Variants in PARVB observed in about 807,000 individuals in gnomAD.
The protein encoded by PARVB is parvin beta.
A neutral mutation model predicts 47.0 loss-of-function variants in PARVB; 46 were observed. That is an observed-to-expected ratio of 0.98 (90% CI 0.77 to 1.25). PARVB has a LOEUF of 1.25. PARVB is among the 50% of genes most tolerant of loss of function. The probability of loss-of-function intolerance (pLI) is 0.00; values close to 1 mark genes in which losing one functional copy is unlikely to be tolerated. For synonymous variants in PARVB, 196 were observed against 196.3 expected, an observed-to-expected ratio of 1.00 and a Z score of 0.01; for missense variants, 473 against 471.6, an observed-to-expected ratio of 1.00 and a Z score of -0.03.
At chr22:44,110,648 G>A (rs1483846984) in intron 3 of PARVB, 1 of 151,962 alleles carries the variant, frequency 6.6e-6, no homozygotes, top group Non-Finnish European at 1.5e-5. Flanking sequence ...CTCTGTTGCT[G>A]GAGTGCACTG....
chr22:44,091,308 A>C (rs1244895516), intron 1 of PARVB, among the ~76,000 whole-genome samples: 1 of 149,918 alleles, frequency 6.7e-6, no homozygotes, highest in Non-Finnish European at 1.5e-5. Flanking sequence ...TATTTAAAAA[A>C]ATTGTTGTAA....
At chr22:44,072,657 G>A (rs1392825372) in intron 1 of PARVB, among the ~76,000 whole-genome samples, 1 of 152,112 alleles carries the variant, frequency 6.6e-6, no homozygotes, top group Non-Finnish European at 1.5e-5. Flanking sequence ...GGCCAGACTT[G>A]TCTCGAACTC....
At chr22:44,096,226 A>G (rs2052304352) in intron 2 of PARVB, among the ~76,000 whole-genome samples, 1 of 152,182 alleles carries the variant, frequency 6.6e-6, no homozygotes, top group South Asian at 2.1e-4. Flanking sequence ...ACTCCATCTC[A>G]TAAAATAATA....
chr22:44,008,217 T>A (rs908825991), intron 2 of PARVB, among the ~76,000 whole-genome samples: 1 of 152,006 alleles, frequency 6.6e-6, no homozygotes, highest in Non-Finnish European at 1.5e-5. Context: ...TCTCCTGCCT[T>A]AGCACCCCCG....
At chr22:44,151,655 A>T (rs768879898) in intron 10 of PARVB, 104 bp downstream of exon 10, 16 of 887,484 alleles carry the variant, frequency 1.8e-5, no homozygotes, top group Non-Finnish European at 3.0e-5. Flanking sequence ...CATTTTGTTC[A>T]TCTCACAAGG....
intron 2 of PARVB, among the ~76,000 whole-genome samples, chr22:44,098,849 T>C (rs906677429): frequency 2.0e-4 from 31 of 152,130 alleles, no homozygotes; most frequent in African/African-American, 7.5e-4. Flanking sequence ...TTATTTATTT[T>C]TAAAAATAGA....
chr22:44,157,290 TC>T (rs2053956539), intron 10 of PARVB, among the ~76,000 whole-genome samples: 1 of 152,084 alleles, frequency 6.6e-6, no homozygotes, highest in Non-Finnish European at 1.5e-5. Flanking sequence ...TGCCAGGTGC[TC>T]CCTCCCAGCC....
intron 3 of PARVB, chr22:44,114,293 A>G (rs1295735459): frequency 6.5e-6 from 1 of 153,860 alleles, no homozygotes; most frequent in Non-Finnish European, 1.4e-5. Context: ...CATTGTTACT[A>G]AGGCCCTACA....
chr22:44,138,643 C>T (rs1399780267), intron 7 of PARVB, among the ~76,000 whole-genome samples: 2 of 152,216 alleles, frequency 1.3e-5, no homozygotes, highest in Non-Finnish European at 2.9e-5. Flanking sequence ...ACCTCCTATC[C>T]AGTCTCAGTG....
chr22:44,073,000 G>A (rs2146984630), intron 1 of PARVB, among the ~76,000 whole-genome samples: 1 of 152,256 alleles, frequency 6.6e-6, no homozygotes, highest in Middle Eastern at 3.4e-3. Flanking sequence ...CCTGGGTGCT[G>A]GAGCCCTCAG....
chr22:44,013,231 A>T (rs953040654), intron 2 of PARVB, among the ~76,000 whole-genome samples: 22 of 152,214 alleles, frequency 1.4e-4, no homozygotes, highest in Non-Finnish European at 2.9e-4. Flanking sequence ...TTAAGCACTT[A>T]GAGTGCTGCC....
chr22:44,105,312 G>A (rs1433130708), intron 3 of PARVB: 1 of 152,256 alleles, frequency 6.6e-6, no homozygotes, highest in Admixed American at 6.5e-5. Flanking sequence ...TCGGAGCTTA[G>A]GAGATCACCT....
Position 44,125,667 on chromosome 22 carries a change from G to A in PARVB, c.377-5820G>A, listed in dbSNP as rs557595783. On this transcript the variant is annotated intron_variant, in intron 4 of 12. Coordinates refer to ENST00000338758, the MANE Select transcript of PARVB (RefSeq NM_013327.5). This position sits in a 1 kb window ranked among gnomAD's most constrained non-coding sequence, Gnocchi z 4.1. Reference sequence around the variant, plus strand: ...CAGAGAGGGAGGGAGAGAGCCAAGAGATGAGGCTGGGGCCAGATCTCATTC... The same window carrying A: ...CAGAGAGGGAGGGAGAGAGCCAAGAAATGAGGCTGGGGCCAGATCTCATTC... Among the ~76,000 whole-genome samples, 163 of 152,304 alleles carry A rather than the reference G, an allele frequency of 1.1e-3. No homozygotes were observed. Among genetic ancestry groups the A allele is most frequent in the African/African-American group, 3.8e-3 (156 of 41,564 alleles).
chr22:44,156,374 G>A (rs1172792398), intron 10 of PARVB, among the ~76,000 whole-genome samples: 1 of 151,270 alleles, frequency 6.6e-6, no homozygotes, highest in African/African-American at 2.4e-5. Flanking sequence ...CTGCCTTCCG[G>A]GTTAAAGCGA....
At chr22:44,142,407 A>T (rs2053572381) in intron 8 of PARVB, 1 of 137,968 alleles carries the variant, frequency 7.2e-6, no homozygotes, top group Admixed American at 7.4e-5. Context: ...AAAAAAAAAA[A>T]AAAAAAAGAT....
intron 2 of PARVB, among the ~76,000 whole-genome samples, chr22:44,002,321 G>C (rs738496): frequency 0.93 from 142,377 of 152,318 alleles, 66,637 homozygotes; most frequent in East Asian, 1. Context: ...ACTTGCAATA[G>C]AGTAATTGTG....
At chr22:44,119,452 A>G (rs1338825348) in intron 4 of PARVB, among the ~76,000 whole-genome samples, 1 of 152,114 alleles carries the variant, frequency 6.6e-6, no homozygotes. Context: ...TTTTGACTTG[A>G]ACTCCTTCGG....
chr22:44,096,000 G>C (rs2052296179), intron 2 of PARVB, among the ~76,000 whole-genome samples: 1 of 152,174 alleles, frequency 6.6e-6, no homozygotes, highest in South Asian at 2.1e-4. Flanking sequence ...GTGGCAGGTG[G>C]ATCACCTGAC....
intron 3 of PARVB, chr22:44,106,960 A>G (rs1172754950): frequency 2.0e-5 from 3 of 152,236 alleles, no homozygotes; most frequent in Non-Finnish European, 4.4e-5. Flanking sequence ...TTAAATCCCA[A>G]CTCAGATTAA....
Sources: allele counts gnomAD v4.1 joint callset (sites outside exome capture counted in the v4.1 genomes callset), GRCh38; gene constraint gnomAD v4.1.1; non-coding constraint Gnocchi (gnomAD v3.1); transcripts MANE v1.5; gene names NCBI Gene and HGNC (gene_info 2026-07-23, HGNC 2026-07-21).